The following NEB variants were observed in gnomAD, a reference collection of about 807,000 sequenced individuals.
The protein encoded by NEB is nebulin, also known as nemaline myopathy type 2.
NEB carries 512 observed loss-of-function variants against 952.2 expected under a neutral mutation model. The observed-to-expected ratio is 0.54, with a 90% CI of 0.50 to 0.58. The LOEUF (loss-of-function observed/expected upper bound fraction) is 0.58, where lower values mean the gene tolerates loss of function less well. NEB is among the 20% of genes least tolerant of loss of function. The probability of loss-of-function intolerance (pLI) is 0.00; values close to 1 mark genes in which losing one functional copy is unlikely to be tolerated. For synonymous variants in NEB, 2,900 were observed against 3,149.8 expected, an observed-to-expected ratio of 0.92 and a Z score of 2.66; for missense variants, 8,428 against 9,231.1, an observed-to-expected ratio of 0.91 and a Z score of 3.56.
chr2:151,496,597 A>AGAG (rs1309769336), intron 172 of NEB, among the ~76,000 whole-genome samples: 1 of 152,220 alleles, frequency 6.6e-6, no homozygotes, highest in Non-Finnish European at 1.5e-5. Context: ...AAAGGCTGTC[A>AGAG]GAGTTATCCA....
At chr2:151,726,615 G>C (rs1175053562) in intron 5 of NEB, among the ~76,000 whole-genome samples, 1 of 152,134 alleles carries the variant, frequency 6.6e-6, no homozygotes, top group African/African-American at 2.4e-5. Context: ...GAATCTGTCT[G>C]AATCAGTCAG....
chr2:151,512,068 C>T (rs2074914751), intron 161 of NEB, among the ~76,000 whole-genome samples: 1 of 124,498 alleles, frequency 8.0e-6, no homozygotes. Context: ...TCTTGCTGTG[C>T]TGCCCAGGCT....
Position 151,662,239 on chromosome 2 carries a change from T to C in NEB, c.5866A>G (p.Ser1956Gly), listed in dbSNP as rs1258945263. 1.2e-6 allele frequency: 2 copies of C among 1,613,680 alleles called. No individual in the cohort carries two copies. The highest frequency in any genetic ancestry group is 1.1e-5 in the South Asian group (1 of 91,076). Residue 1956 changes from serine to glycine, a missense_variant, in exon 46 of 182, where the codon AGT (serine) becomes GGT (glycine). By Grantham distance (56) the Ser-to-Gly change is moderately conservative. This residue lies in a region of NEB where 2,851 missense variants were observed against 2,791.5 expected (regional missense o/e 1.02). Coordinates refer to ENST00000397345, the MANE Select transcript of NEB (RefSeq NM_001164508.2). ...EKNKKAMEII[S>G]EKKYRQHPDT... The stretch of plus-strand genomic sequence containing the variant: ...GGGTGCTGGCGGTACTTCTTTTCAC[T>C]AATAATCTCCATGGCTTTCTTGTTT...
intron 67 of NEB, among the ~76,000 whole-genome samples, chr2:151,630,375 T>C (rs1268776079): frequency 6.6e-6 from 1 of 152,216 alleles, no homozygotes; most frequent in South Asian, 2.1e-4. Flanking sequence ...TGCAGTGATT[T>C]ACTGATGTAT....
At position 151,633,857 on chromosome 2, in the gene NEB, T is replaced by G. The variant is rs1157710700; in HGVS notation, c.9211A>C (p.Ser3071Arg). ...MWSMHVAKIQSDREYKKDFEK... is the reference protein window; with the variant it reads ...MWSMHVAKIQRDREYKKDFEK... ...AAGTCCTTTTTGTACTCCCTGTCAC[T>G]CTGGATCTTGGCTACGTGCATGGAC... The change falls in exon 65 of 182, where the codon AGT (serine) becomes CGT (arginine). Residue 3071 changes from serine to arginine, a missense_variant. Coordinates refer to ENST00000397345, the MANE Select transcript of NEB (RefSeq NM_001164508.2). 2 of 1,613,934 alleles carry G rather than the reference T, an allele frequency of 1.2e-6. No homozygotes were observed. The highest frequency in any genetic ancestry group is 1.7e-6 in the Non-Finnish European group (2 of 1,179,894).
chr2:151,691,034 A>ACAGCAGAC (rs1466400855), intron 23 of NEB, among the ~76,000 whole-genome samples: 1 of 151,888 alleles, frequency 6.6e-6, no homozygotes, highest in Non-Finnish European at 1.5e-5. Flanking sequence ...TGGTCTGCCT[A>ACAGCAGAC]CAGCAACTCA....
chr2:151,679,682 A>ATT, intron 32 of NEB, 39 bp downstream of exon 32: 24 of 458,230 alleles, frequency 5.2e-5, no homozygotes, highest in South Asian at 1.1e-4. Context: ...ACCCACCCAC[A>ATT]TTTTCTAGTT....
At chr2:151,712,755 C>A (rs899782297) in intron 10 of NEB, among the ~76,000 whole-genome samples, 1 of 152,052 alleles carries the variant, frequency 6.6e-6, no homozygotes, top group Non-Finnish European at 1.5e-5. Flanking sequence ...CCATGTGGGA[C>A]CCTCTCTACC....
intron 135 of NEB, 36 bp downstream of exon 135, chr2:151,545,852 T>A: frequency 7.5e-7 from 1 of 1,334,064 alleles, no homozygotes; most frequent in African/African-American, 1.4e-5. Flanking sequence ...TACTGGTCAA[T>A]TTGATTGACT....
Position 151,631,353 on chromosome 2 carries a change from A to G in NEB, c.9415-7T>C, listed in dbSNP as rs2154073671. ...GATCTGACTTGTAAATATTCTGAGC[A>G]GAGGAAAAAAGTCAAAAACTCTTCA... On this transcript the variant is annotated splice_region_variant and splice_polypyrimidine_tract_variant and intron_variant, in intron 65 of 181. Coordinates refer to ENST00000397345, the MANE Select transcript of NEB (RefSeq NM_001164508.2). The G allele has an allele frequency of 1.2e-6, 2 of 1,605,040 alleles. No individual in the cohort carries two copies. Among genetic ancestry groups the G allele is most frequent in the Non-Finnish European group, 1.7e-6 (2 of 1,173,464 alleles).
At position 151,549,679 on chromosome 2, in the gene NEB, G is replaced by T; in HGVS notation, c.20006C>A (p.Pro6669His). 6.2e-7 allele frequency: 1 copy of T among 1,601,744 alleles called. No individual in the cohort carries two copies. The highest frequency in any genetic ancestry group is 2.2e-5 in the East Asian group (1 of 44,466). Residue 6669 changes from proline to histidine, a missense_variant, in exon 130 of 182, where the codon CCT becomes CAT. Around this residue, in one of 11 missense-constraint regions of NEB, gnomAD observed 3,374 missense variants for 3,651.5 expected, o/e 0.92. Coordinates refer to ENST00000397345, the MANE Select transcript of NEB (RefSeq NM_001164508.2). ...PTGYRLPGDT[P>H]HFKHIKDTRY... ...GGTGTCCTTGATGTGTTTGAAGTGA[G>T]GAGTGTCACCTGGAAGTCTATATCC...
intron 46 of NEB, among the ~76,000 whole-genome samples, chr2:151,659,501 A>G (rs1041514465): frequency 1.3e-5 from 2 of 151,946 alleles, no homozygotes; most frequent in African/African-American, 4.8e-5. Context: ...GGTTTTTGCC[A>G]TGTTGCCCAG....
In NEB at chr2:151,533,503, C is replaced by T. The variant is rs80163017; in HGVS notation, c.21356G>A (p.Cys7119Tyr). ...SSAKMFLQHG[C>Y]NEILRPDMLT... The stretch of plus-strand genomic sequence containing the variant: ...CATATCTGGACGCAGAATTTCATTA[C>T]ATCCATGTTGCAGAAACATCTTGGC... Residue 7119 changes from cysteine (C) to tyrosine (Y), a missense_variant, in exon 143 of 182, where the codon TGT becomes TAT. Physicochemically the swap from Cys to Tyr is radical, Grantham distance 194 (BLOSUM62 -2). Coordinates refer to ENST00000397345, the MANE Select transcript of NEB (RefSeq NM_001164508.2). The T allele has an allele frequency of 1.4e-4, 218 of 1,551,436 alleles. No individual in the cohort carries two copies. In the East Asian group the frequency reaches 5.2e-3, roughly 37 times the overall value.
At chr2:151,533,660 T>C (rs1053099498) in intron 142 of NEB, 114 bp from the exon 143 acceptor site, 2 of 660,988 alleles carry the variant, frequency 3.0e-6, no homozygotes, top group Non-Finnish European at 5.4e-6. Context: ...ACACTTTATG[T>C]ACTCACATAT....
At chr2:151,694,266 T>C (rs184943777) in intron 20 of NEB, 57 bp downstream of exon 20, 2 of 1,444,968 alleles carry the variant, frequency 1.4e-6, no homozygotes. Flanking sequence ...AAGGTTATAT[T>C]AAACAGCAAC....
At chr2:151,490,190 AAG>A (rs1217615325) in intron 180 of NEB, 113 bp from the exon 181 acceptor site, 18 of 1,182,946 alleles carry the variant, frequency 1.5e-5, no homozygotes, top group East Asian at 1.2e-4. Flanking sequence ...GATTTCCAAA[AAG>A]AGAAATCAAA....
At chr2:151,635,713 A>AC (rs1181245998) in intron 64 of NEB, among the ~76,000 whole-genome samples, 3 of 151,552 alleles carry the variant, frequency 2.0e-5, no homozygotes, top group African/African-American at 7.3e-5. Context: ...TCTCCAAAAA[A>AC]AAAAAAAAAA....
chr2:151,733,125 A>G lies in NEB; in HGVS notation c.32T>C (p.Val11Ala). 1 of 1,603,262 alleles carries G rather than the reference A, an allele frequency of 6.2e-7. No individual in the cohort carries two copies. Among genetic ancestry groups the G allele is most frequent in the Non-Finnish European group, 8.5e-7 (1 of 1,175,196 alleles). ...TGTTTTTTTTTTAAATCTTACCTCC[A>G]CCACCTCCTCATAGTCTTCGTCATC... MADDEDYEEV[V>A]EYYTEEVVYE... is the part of the protein sequence containing the mutation. Residue 11 changes from valine (V) to alanine (A), a missense_variant, in exon 3 of 182, where the codon GTG (valine) becomes GCG (alanine). Coordinates refer to ENST00000397345, the MANE Select transcript of NEB (RefSeq NM_001164508.2).
At chr2:151,512,368 C>T (rs145672571) in intron 161 of NEB, among the ~76,000 whole-genome samples, 42 of 151,234 alleles carry the variant, frequency 2.8e-4, no homozygotes, top group African/African-American at 9.0e-4. Context: ...CACCCTGTCA[C>T]CCAGGGGACT....
Sources: gnomAD v4.1 joint callset for allele counts (sites outside exome capture counted in the v4.1 genomes callset) on GRCh38, gnomAD v4.1.1 for gene constraint, gnomAD v4.1.1 regional missense constraint, MANE v1.5 for transcripts, NCBI Gene and HGNC (gene_info 2026-07-23, HGNC 2026-07-21) for gene names.